The following CIMIP5 variants were observed in gnomAD, a reference collection of about 807,000 sequenced individuals.
CIMIP5 encodes the protein uncharacterized protein C2orf50.
At chr2:11,145,301 T>A in the CIMIP5 span, 2 of 152,164 alleles carry the variant, frequency 1.3e-5, no homozygotes, top group Non-Finnish European at 2.9e-5. Context: ...GGCTAATTTT[T>A]AAAATTTTAT....
At chr2:11,145,145 G>A in the CIMIP5 span, 1 of 152,114 alleles carries the variant, frequency 6.6e-6, no homozygotes, top group Non-Finnish European at 1.5e-5. Context: ...CGCCATGCCT[G>A]GCTAATTTTT....
the CIMIP5 span, chr2:11,144,133 C>A: frequency 6.5e-7 from 1 of 1,544,106 alleles, no homozygotes; most frequent in Non-Finnish European, 8.7e-7. Context: ...GCTGGGCTGG[C>A]CTTCCCCAGG....
the CIMIP5 span, among the ~76,000 whole-genome samples, chr2:11,149,128 A>G: frequency 3.3e-5 from 5 of 152,338 alleles, no homozygotes; most frequent in South Asian, 2.1e-4. Context: ...GCAAGAATCA[A>G]TAAAAGACAC....
the CIMIP5 span, among the ~76,000 whole-genome samples, chr2:11,141,668 C>T: frequency 7.9e-5 from 12 of 152,158 alleles, no homozygotes; most frequent in Non-Finnish European, 1.5e-4. Flanking sequence ...TGCCCAATTT[C>T]ACCAGCTGTG....
the CIMIP5 span, among the ~76,000 whole-genome samples, chr2:11,147,066 C>T: frequency 4.6e-5 from 7 of 152,198 alleles, no homozygotes; most frequent in East Asian, 1.9e-4. Context: ...CAGGGACCAG[C>T]GCCGGTTCTG....
the CIMIP5 span, among the ~76,000 whole-genome samples, chr2:11,151,920 C>T: frequency 6.6e-6 from 1 of 152,248 alleles, no homozygotes; most frequent in African/African-American, 2.4e-5. Context: ...AGGCGTGAGC[C>T]ACCGCGCTCC....
the CIMIP5 span, among the ~76,000 whole-genome samples, chr2:11,135,243 T>C: frequency 2.6e-5 from 4 of 152,162 alleles, no homozygotes; most frequent in Non-Finnish European, 5.9e-5. Context: ...GATTATACGG[T>C]ACCTCTATTT....
At chr2:11,144,037 C>G in the CIMIP5 span, 1 of 1,606,974 alleles carries the variant, frequency 6.2e-7, no homozygotes, top group Non-Finnish European at 8.5e-7. Flanking sequence ...GGGACAGACT[C>G]TCATCCGCAT....
the CIMIP5 span, among the ~76,000 whole-genome samples, chr2:11,150,049 C>T: frequency 1.3e-5 from 2 of 152,164 alleles, no homozygotes; most frequent in Admixed American, 6.5e-5. Flanking sequence ...CGGGTTCAAG[C>T]GATTCTCCTG....
the CIMIP5 span, among the ~76,000 whole-genome samples, chr2:11,150,879 AAAAAAC>A: frequency 1.3e-5 from 2 of 152,052 alleles, no homozygotes; most frequent in Non-Finnish European, 2.9e-5. Context: ...GAATTAAAAA[AAAAAAC>A]AAAAAACAAA....
the CIMIP5 span, among the ~76,000 whole-genome samples, chr2:11,133,871 AGCCTGCTGGCCT>A: frequency 6.6e-6 from 1 of 152,144 alleles, no homozygotes; most frequent in African/African-American, 2.4e-5. Context: ...CTTGAGCTGG[AGCCTGCTGGCCT>A]AGTCTGGGTT....
chr2:11,135,074 A>G, the CIMIP5 span, among the ~76,000 whole-genome samples: 1 of 152,040 alleles, frequency 6.6e-6, no homozygotes, highest in African/African-American at 2.4e-5. Context: ...CTCTCCTGTG[A>G]ACTAATAGAG....
the CIMIP5 span, chr2:11,133,616 A>G: frequency 1.9e-6 from 3 of 1,557,020 alleles, no homozygotes; most frequent in Non-Finnish European, 2.6e-6. Context: ...TCCCTTTTCC[A>G]CCCTGACTCC....
the CIMIP5 span, among the ~76,000 whole-genome samples, chr2:11,139,036 G>A: frequency 6.6e-6 from 1 of 152,006 alleles, no homozygotes; most frequent in Non-Finnish European, 1.5e-5. Context: ...TCCTGCCTCA[G>A]CCTCCCTAGT....
At chr2:11,137,859 A>AT in the CIMIP5 span, among the ~76,000 whole-genome samples, 1 of 152,008 alleles carries the variant, frequency 6.6e-6, no homozygotes, top group Non-Finnish European at 1.5e-5. Context: ...TTCTTTCTTT[A>AT]TTTTGAGACG....
At chr2:11,133,434 G>T in the CIMIP5 span, 4 of 1,610,658 alleles carry the variant, frequency 2.5e-6, no homozygotes, top group Non-Finnish European at 3.4e-6. Flanking sequence ...AGCTGCCCGG[G>T]GTGGCCCTAT....
the CIMIP5 span, among the ~76,000 whole-genome samples, chr2:11,151,389 A>G: frequency 1.3e-5 from 2 of 152,198 alleles, no homozygotes; most frequent in Admixed American, 6.5e-5. Flanking sequence ...TCTGTTGAAG[A>G]GAGTCAGGGG....
chr2:11,133,314 AC>A, the CIMIP5 span: 1 of 1,535,898 alleles, frequency 6.5e-7, no homozygotes, highest in Non-Finnish European at 8.7e-7. Flanking sequence ...ACAAGCGCAC[AC>A]ACACACACAC....
the CIMIP5 span, chr2:11,133,287 C>CTCTG: frequency 6.6e-7 from 1 of 1,523,244 alleles, no homozygotes; most frequent in Non-Finnish European, 8.7e-7. Context: ...ACAGGTCTCT[C>CTCTG]TCTCTCTCTC....
Sources: allele counts gnomAD v4.1 joint callset (sites outside exome capture counted in the v4.1 genomes callset), GRCh38; gene constraint gnomAD v4.1.1; transcripts MANE v1.5; gene names NCBI Gene and HGNC (gene_info 2026-07-23, HGNC 2026-07-21).